Variants in EPS15L1 observed in about 807,000 individuals in gnomAD.
EPS15L1 encodes epidermal growth factor receptor pathway substrate 15 like 1.
In EPS15L1, 43 loss-of-function variants were observed where a neutral mutation model predicts 117.1. That is an observed-to-expected ratio of 0.37 (90% CI 0.29 to 0.47). EPS15L1 has a LOEUF of 0.47. Among genes scored for constraint, EPS15L1 ranks in the 20% least tolerant of loss-of-function variants. The pLI is 0.99. For missense variants in EPS15L1, 981 were observed against 1,164.0 expected, an observed-to-expected ratio of 0.84 and a Z score of 2.29; for synonymous variants, 459 against 470.5, an observed-to-expected ratio of 0.98 and a Z score of 0.32.
At chr19:16,436,698 G>A (rs1457541807) in intron 6 of EPS15L1, 2 of 444,496 alleles carry the variant, frequency 4.5e-6, no homozygotes, top group African/African-American at 4.0e-5. Flanking sequence ...TAGTTGTCCA[G>A]GTAGGCAACT....
rs542132261 is a variant in EPS15L1, at chr19:16,358,734, C to T, written c.2587-2883G>A. On this transcript the variant is annotated intron_variant, in intron 23 of 23. Transcript: ENST00000455140. ...TGGCGCTCCAAGGTGTCTGATGGCA[C>T]TTCCACCCCACCATGTGCAGGACAT... Among the ~76,000 whole-genome samples, 4 of 152,380 alleles carry T rather than the reference C, an allele frequency of 2.6e-5. No homozygotes were observed. The South Asian group carries it at 8.3e-4, about 32-fold the overall frequency.
At chr19:16,447,763 A>G (rs549144609) in intron 1 of EPS15L1, among the ~76,000 whole-genome samples, 12 of 144,756 alleles carry the variant, frequency 8.3e-5, no homozygotes, top group South Asian at 2.2e-4. Flanking sequence ...TCATCTTCGG[A>G]AAAAAAAAAA....
intron 21 of EPS15L1, among the ~76,000 whole-genome samples, chr19:16,382,180 G>A (rs575005866): frequency 1.6e-4 from 25 of 152,296 alleles, no homozygotes; most frequent in Admixed American, 1.4e-3. Flanking sequence ...GGCAACTCGC[G>A]AGGCGACAGG....
chr19:16,368,155 G>A (rs572627758), intron 22 of EPS15L1, among the ~76,000 whole-genome samples: 2 of 152,186 alleles, frequency 1.3e-5, no homozygotes, highest in Non-Finnish European at 2.9e-5. Context: ...GCCCACCTTC[G>A]CTATTATCCT....
At chr19:16,401,126 G>A (rs373006643) in intron 16 of EPS15L1, 19 of 985,338 alleles carry the variant, frequency 1.9e-5, no homozygotes, top group African/African-American at 3.5e-5. Flanking sequence ...TGACGGGCCC[G>A]GGGGCGGCTA....
At chr19:16,364,783 A>T (rs2092110681) in intron 22 of EPS15L1, among the ~76,000 whole-genome samples, 1 of 152,136 alleles carries the variant, frequency 6.6e-6, no homozygotes, top group Non-Finnish European at 1.5e-5. Flanking sequence ...AGGGCTCCTG[A>T]GCAGGATGGA....
chr19:16,406,484 A>G (rs1029698061), intron 13 of EPS15L1, among the ~76,000 whole-genome samples: 12 of 152,304 alleles, frequency 7.9e-5, no homozygotes, highest in Non-Finnish European at 1.0e-4. Context: ...AGGTAGCCCA[A>G]TGCTCCGAGC....
At chr19:16,453,487 G>A (rs1475039372) in intron 1 of EPS15L1, among the ~76,000 whole-genome samples, 1 of 152,248 alleles carries the variant, frequency 6.6e-6, no homozygotes, top group African/African-American at 2.4e-5. Flanking sequence ...GCCGAGGTGG[G>A]CGGATCATGA....
At chr19:16,449,494 G>A (rs1447194243) in intron 1 of EPS15L1, among the ~76,000 whole-genome samples, 1 of 152,172 alleles carries the variant, frequency 6.6e-6, no homozygotes, top group Non-Finnish European at 1.5e-5. Context: ...TGCTGGTGAG[G>A]ATGCAGGCAA....
rs567250186 is a variant in EPS15L1 at position 16,388,283 on chromosome 19, G to A, written c.2104-2052C>T. Among the ~76,000 whole-genome samples the A allele has an allele frequency of 3.9e-5, 6 of 152,114 alleles. No homozygotes were observed. The South Asian group carries it at 6.2e-4, about 16-fold the overall frequency. ...TCGAACTCCTGGCCTCAAGTGATCC[G>A]CCCACCTCAGCCTCCCAAAGTCCTG... On this transcript the variant is annotated intron_variant, in intron 19 of 23. Coordinates refer to ENST00000455140, the MANE Select transcript of EPS15L1 (RefSeq NM_001258374.3).
chr19:16,436,459 G>A (rs947852060), intron 6 of EPS15L1: 2 of 153,104 alleles, frequency 1.3e-5, no homozygotes, highest in African/African-American at 2.4e-5. Context: ...TGCTGAGAGA[G>A]GCTTTTCACA....
intron 19 of EPS15L1, among the ~76,000 whole-genome samples, chr19:16,391,578 C>T (rs962120654): frequency 5.3e-5 from 8 of 150,940 alleles, no homozygotes; most frequent in South Asian, 4.2e-4. Context: ...CTATGAAGCA[C>T]GCTCACTCCA....
At position 16,404,917 on chromosome 19, in the gene EPS15L1, T is replaced by C. The variant is rs2092641263; in HGVS notation, c.1267-168A>G. ...ACACCCACGGCCAATGTGTGCCTCT[T>C]GGGCTGGAGGCCCAGGGCCACTGTC... is the stretch of plus-strand genomic sequence containing the variant. On this transcript the variant is annotated intron_variant, in intron 13 of 23. Transcript: ENST00000455140. This position sits in a 1 kb window ranked among gnomAD's most constrained non-coding sequence, Gnocchi z 4.2. Among the ~76,000 whole-genome samples, 1 of 152,176 alleles carries C rather than the reference T, an allele frequency of 6.6e-6. No homozygotes were observed. The highest frequency in any genetic ancestry group is 6.5e-5 in the Admixed American group (1 of 15,284).
chr19:16,367,782 C>CAACA (rs960563153), intron 22 of EPS15L1, among the ~76,000 whole-genome samples: 2 of 126,522 alleles, frequency 1.6e-5, no homozygotes, highest in South Asian at 2.5e-4. Flanking sequence ...ACCCAAAAAA[C>CAACA]AACAAACAAA....
rs746191735 is a variant in EPS15L1 at position 16,417,538 on chromosome 19, C to T, written c.1193+14G>A. 1.1e-5 allele frequency: 17 copies of T among 1,608,400 alleles called. No homozygotes were observed. The highest frequency in any genetic ancestry group is 4.3e-6 in the Non-Finnish European group (5 of 1,174,984). On this transcript the variant is annotated intron_variant, in intron 12 of 23. Coordinates refer to ENST00000455140, the MANE Select transcript of EPS15L1 (RefSeq NM_001258374.3). ...AACATCTGGATGTGGAGGGAAGGGC[C>T]GTTTCCAACATACCTTTGTAACTGG...
intron 8 of EPS15L1, among the ~76,000 whole-genome samples, chr19:16,427,536 C>G (rs2092883749): frequency 6.6e-6 from 1 of 152,142 alleles, no homozygotes; most frequent in African/African-American, 2.4e-5. Flanking sequence ...ATTAAGGATA[C>G]TCAACCTATA....
At chr19:16,419,106 T>C (rs1486779905) in intron 10 of EPS15L1, among the ~76,000 whole-genome samples, 1 of 152,206 alleles carries the variant, frequency 6.6e-6, no homozygotes, top group Non-Finnish European at 1.5e-5. Flanking sequence ...AGCATCTGAA[T>C]AGCAGCACAC....
intron 1 of EPS15L1, among the ~76,000 whole-genome samples, chr19:16,447,019 G>C (rs1342094198): frequency 2.0e-5 from 3 of 152,196 alleles, no homozygotes; most frequent in Non-Finnish European, 4.4e-5. Context: ...GCCCGGAGTA[G>C]AGCTTGCTTG....
At chr19:16,377,281 C>CA in intron 21 of EPS15L1, 27 bp from the exon 22 acceptor site, 1 of 1,604,794 alleles carries the variant, frequency 6.2e-7, no homozygotes, top group South Asian at 1.1e-5. Flanking sequence ...GAAAGAGAGG[C>CA]AAAAATAGTT....
Sources: allele counts gnomAD v4.1 joint callset (sites outside exome capture counted in the v4.1 genomes callset), GRCh38; gene constraint gnomAD v4.1.1; non-coding constraint Gnocchi (gnomAD v3.1); transcripts MANE v1.5; gene names NCBI Gene and HGNC (gene_info 2026-07-23, HGNC 2026-07-21).